Variants in ANXA6 observed in about 807,000 individuals in gnomAD.
ANXA6 encodes 67 kDa calelectrin.
ANXA6 carries 71 observed loss-of-function variants against 95.4 expected under a neutral mutation model. That is an observed-to-expected ratio of 0.74 (90% confidence interval 0.61 to 0.91). ANXA6 has a LOEUF of 0.91. Among genes scored for constraint, ANXA6 ranks in the 40% least tolerant of loss-of-function variants. ANXA6 has a pLI of 0.00. For missense variants in ANXA6, 830 were observed against 876.4 expected, an observed-to-expected ratio of 0.95 and a Z score of 0.67; for synonymous variants, 289 against 315.9, an observed-to-expected ratio of 0.91 and a Z score of 0.90.
At position 151,105,314 on chromosome 5, in the gene ANXA6, G is replaced by T; in HGVS notation, c.1781-11C>A. 6.2e-7 allele frequency: 1 copy of T among 1,613,850 alleles called. No homozygotes were observed. Among genetic ancestry groups the T allele is most frequent in the East Asian group, 2.2e-5 (1 of 44,876 alleles). On this transcript the variant is annotated splice_polypyrimidine_tract_variant and intron_variant, in intron 23 of 25. Coordinates refer to ENST00000354546, the MANE Select transcript of ANXA6 (RefSeq NM_001155.5). ...TCTTGACACTTTGAACTGGTAGGAA[G>T]AGCAGAGAGATGCGGGGAACGTGGT...
chr5:151,134,578 C>A (rs1765605774), intron 7 of ANXA6, 95 bp from the exon 8 acceptor site: 4 of 1,284,774 alleles, frequency 3.1e-6, no homozygotes, highest in Non-Finnish European at 4.5e-6. Flanking sequence ...GCAGGAAAAC[C>A]CTGGTGGCCC....
chr5:151,103,439 T>G (rs918600657), intron 25 of ANXA6, 131 bp downstream of exon 25: 1 of 787,724 alleles, frequency 1.3e-6, no homozygotes, highest in African/African-American at 1.8e-5. Context: ...AGACCCCCTT[T>G]CATTTCAATA....
chr5:151,114,063 T>C (rs1050469017), intron 20 of ANXA6, among the ~76,000 whole-genome samples: 18 of 152,168 alleles, frequency 1.2e-4, no homozygotes, highest in Non-Finnish European at 1.6e-4. Context: ...TGTATTGACA[T>C]GAGGTGTTTG....
chr5:151,129,498 C>T lies in ANXA6; in HGVS notation c.827G>A (p.Arg276His), dbSNP rs370507444. Residue 276 changes from arginine (R) to histidine (H), a missense_variant, in exon 12 of 26, where the codon CGC becomes CAC. Physicochemically the swap from Arg to His is conservative, Grantham distance 29 (BLOSUM62 0). Coordinates refer to ENST00000354546, the MANE Select transcript of ANXA6 (RefSeq NM_001155.5). ...CAACTCACTACGGGAGACCATGATG[C>T]GGATCAGGGTGTTGTCCCGAGTCCC... ...GLGTRDNTLI[R>H]IMVSRSELDM... 99 of 1,610,026 alleles carry T rather than the reference C, an allele frequency of 6.1e-5. 1 individual carries two copies. In the South Asian group the frequency reaches 6.6e-4, roughly 11 times the overall value.
intron 2 of ANXA6, among the ~76,000 whole-genome samples, chr5:151,143,097 T>C (rs1194109639): frequency 6.6e-6 from 1 of 152,224 alleles, no homozygotes; most frequent in Non-Finnish European, 1.5e-5. Flanking sequence ...AAGGTAGGTC[T>C]ATTACCACTT....
chr5:151,148,401 C>G (rs1416459233), intron 1 of ANXA6, among the ~76,000 whole-genome samples: 1 of 152,134 alleles, frequency 6.6e-6, no homozygotes, highest in Non-Finnish European at 1.5e-5. Context: ...ATGCATGCCC[C>G]CTTTTCAAGT....
At position 151,154,295 on chromosome 5, in the gene ANXA6, G is replaced by GTATATA. The variant is rs58268342; in HGVS notation, c.-26+3379_-26+3384dup. 3.2e-3 allele frequency among the ~76,000 whole-genome samples: 442 copies of GTATATA among 138,888 alleles called. 1 individual carries two copies. Among genetic ancestry groups the GTATATA allele is most frequent in the Non-Finnish European group, 5.0e-3 (319 of 63,732 alleles). The allele number at this position is 138,888 out of a possible 152,430, so 91.1% of individuals were successfully genotyped here. ...AGGTGATGTCATATGGCAGTTTGCAGTATATATATATATATATATATATAT... is the reference window on the plus strand; with the variant it reads ...AGGTGATGTCATATGGCAGTTTGCAGTATATATATATATATATATATATATATATAT... On this transcript the variant is annotated intron_variant, in intron 1 of 25. Transcript: ENST00000354546.
intron 1 of ANXA6, among the ~76,000 whole-genome samples, chr5:151,152,216 G>T (rs1258552782): frequency 6.6e-6 from 1 of 152,220 alleles, no homozygotes; most frequent in Admixed American, 6.5e-5. Flanking sequence ...AATGCAGATA[G>T]AAATACCTAT....
chr5:151,118,733 A>T lies in ANXA6; in HGVS notation c.1438+567T>A, dbSNP rs142036118. ...CAGGGGTGAACCACCGCACCCAGCCAATTTTTATATTTTTTGTAGAGACGG... is the reference window on the plus strand; with the variant it reads ...CAGGGGTGAACCACCGCACCCAGCCTATTTTTATATTTTTTGTAGAGACGG... On this transcript the variant is annotated intron_variant, in intron 18 of 25. Coordinates refer to ENST00000354546, the MANE Select transcript of ANXA6 (RefSeq NM_001155.5). Among the ~76,000 whole-genome samples the T allele has an allele frequency of 8.7e-4, 132 of 151,838 alleles. 2 individuals are homozygous for T. In the East Asian group the frequency reaches 0.023, roughly 26 times the overall value.
At chr5:151,140,577 A>AATATATATATATATATATATATATATAT (rs61352316) in intron 2 of ANXA6, 7 of 143,840 alleles carry the variant, frequency 4.9e-5, no homozygotes, top group Non-Finnish European at 8.8e-5. Context: ...GCAAGAGTCA[A>AATATATATATATATATATATATATATAT]ATATATATAT....
rs190994802 is a variant in ANXA6, at chr5:151,116,268, A to G, written c.1572+859T>C. 1.0e-3 allele frequency among the ~76,000 whole-genome samples: 154 copies of G among 152,258 alleles called. 2 individuals carry two copies. The highest frequency in any genetic ancestry group is 3.6e-3 in the African/African-American group (150 of 41,548). Reference sequence around the variant, plus strand: ...AAAAGAAGGGGGCTGGATGTCTATAAAAGTCTGTGGTGTCTGTGCCCCACA... The same window carrying G: ...AAAAGAAGGGGGCTGGATGTCTATAGAAGTCTGTGGTGTCTGTGCCCCACA... On this transcript the variant is annotated intron_variant, in intron 20 of 25. Transcript: ENST00000354546.
At chr5:151,145,894 G>C (rs901431127) in intron 2 of ANXA6, among the ~76,000 whole-genome samples, 4 of 152,016 alleles carry the variant, frequency 2.6e-5, no homozygotes, top group Non-Finnish European at 5.9e-5. Context: ...AGACCACTCT[G>C]AGCCCCCTTG....
chr5:151,113,447 G>A (rs996481651), intron 20 of ANXA6, among the ~76,000 whole-genome samples: 1 of 152,074 alleles, frequency 6.6e-6, no homozygotes, highest in Non-Finnish European at 1.5e-5. Flanking sequence ...AAGTTGATAT[G>A]TATTTTATCA....
intron 20 of ANXA6, among the ~76,000 whole-genome samples, chr5:151,114,607 C>A: frequency 1.2e-5 from 1 of 81,258 alleles, no homozygotes; most frequent in African/African-American, 4.9e-5. Flanking sequence ...GAGCGAGACT[C>A]CGTCTTAAAA....
intron 1 of ANXA6, 28 bp from the exon 2 acceptor site, chr5:151,147,954 A>T (rs1766012478): frequency 1.1e-5 from 17 of 1,580,968 alleles, no homozygotes; most frequent in Non-Finnish European, 1.3e-5. Flanking sequence ...AGCATGTGAG[A>T]TTCCCCCCAA....
Position 151,152,259 on chromosome 5 carries a change from A to G in ANXA6, c.-25-4333T>C, listed in dbSNP as rs747528292. 5.3e-4 allele frequency among the ~76,000 whole-genome samples: 80 copies of G among 152,228 alleles called. 1 individual carries two copies. Among genetic ancestry groups the G allele is most frequent in the Non-Finnish European group, 1.0e-3 (70 of 68,044 alleles). ...GAGAAATAAATGAAGTAACGGGGGGAAAACACTTAGCACAGTGCGTGGCAC... is the reference window on the plus strand; with the variant it reads ...GAGAAATAAATGAAGTAACGGGGGGGAAACACTTAGCACAGTGCGTGGCAC... On this transcript the variant is annotated intron_variant, in intron 1 of 25. Transcript: ENST00000354546.
At chr5:151,148,686 A>T (rs1017513073) in intron 1 of ANXA6, among the ~76,000 whole-genome samples, 7 of 152,226 alleles carry the variant, frequency 4.6e-5, no homozygotes, top group African/African-American at 1.4e-4. Flanking sequence ...GAGAAAAGAC[A>T]AGGCTTGGTC....
At chr5:151,142,753 C>T (rs560586423) in intron 2 of ANXA6, among the ~76,000 whole-genome samples, 3 of 152,298 alleles carry the variant, frequency 2.0e-5, no homozygotes, top group South Asian at 2.1e-4. Flanking sequence ...TGGAGGACGC[C>T]GAAGGGGAAG....
intron 19 of ANXA6, among the ~76,000 whole-genome samples, 182 bp downstream of exon 19, chr5:151,117,576 G>A (rs1313326584): frequency 1.3e-5 from 2 of 152,178 alleles, no homozygotes; most frequent in African/African-American, 2.4e-5. Flanking sequence ...GTGGTACCAC[G>A]CCAACTTTGA....
Sources: gnomAD v4.1 joint callset for allele counts (sites outside exome capture counted in the v4.1 genomes callset) on GRCh38, gnomAD v4.1.1 for gene constraint, MANE v1.5 for transcripts, NCBI Gene and HGNC (gene_info 2026-07-23, HGNC 2026-07-21) for gene names.